The following DNER variants were observed in gnomAD, a reference collection of about 807,000 sequenced individuals.
DNER encodes the protein delta and Notch-like epidermal growth factor-related receptor.
A neutral mutation model predicts 78.2 loss-of-function variants in DNER; 33 were observed. The ratio of observed to expected loss-of-function variants is 0.42; its 90% confidence interval spans 0.32 to 0.56. The LOEUF is 0.56. Among genes scored for constraint, DNER ranks in the 20% least tolerant of loss-of-function variants. The probability of loss-of-function intolerance (pLI) is 0.11; values close to 1 mark genes in which losing one functional copy is unlikely to be tolerated. For synonymous variants in DNER, 417 were observed against 384.8 expected (o/e 1.08, Z -0.98); for missense variants, 918 against 975.3 (o/e 0.94, Z 0.78).
intron 12 of DNER, among the ~76,000 whole-genome samples, chr2:229,360,448 T>C (rs1418966357): frequency 1.3e-5 from 2 of 152,242 alleles, no homozygotes; most frequent in Non-Finnish European, 2.9e-5. Context: ...TCTCGCACTG[T>C]TGCCCAGGCT....
intron 6 of DNER, among the ~76,000 whole-genome samples, chr2:229,500,987 A>T (rs1695609588): frequency 6.6e-6 from 1 of 152,208 alleles, no homozygotes; most frequent in South Asian, 2.1e-4. Flanking sequence ...CATCTACAAC[A>T]ACATGAATCA....
At chr2:229,614,038 G>C (rs981585348) in intron 1 of DNER, among the ~76,000 whole-genome samples, 2 of 140,896 alleles carry the variant, frequency 1.4e-5, no homozygotes, top group Non-Finnish European at 3.1e-5. Context: ...GGGTGGGGGG[G>C]AGCGGGGAGG....
chr2:229,359,098 G>A (rs1050987416), intron 12 of DNER, among the ~76,000 whole-genome samples: 9 of 152,150 alleles, frequency 5.9e-5, no homozygotes, highest in African/African-American at 1.9e-4. Flanking sequence ...GGATTTTCAG[G>A]GGATAAGCTG....
intron 1 of DNER, among the ~76,000 whole-genome samples, chr2:229,694,082 A>G (rs919460699): frequency 1.3e-5 from 2 of 152,186 alleles, no homozygotes; most frequent in Admixed American, 6.5e-5. Context: ...CCATGGCTAA[A>G]AGGGGCAAAT....
At chr2:229,465,958 T>C (rs575670419) in intron 7 of DNER, among the ~76,000 whole-genome samples, 55 of 152,220 alleles carry the variant, frequency 3.6e-4, no homozygotes, top group Admixed American at 3.9e-4. Flanking sequence ...TGTCCTCTTA[T>C]AGCCAAATCT....
intron 5 of DNER, among the ~76,000 whole-genome samples, chr2:229,525,734 T>G (rs568552179): frequency 6.3e-4 from 96 of 152,182 alleles, no homozygotes; most frequent in Non-Finnish European, 1.1e-3. Context: ...TGCCTCAGCC[T>G]CCTGAATAAC....
At chr2:229,545,225 A>G (rs1407940282) in intron 5 of DNER, among the ~76,000 whole-genome samples, 1 of 152,182 alleles carries the variant, frequency 6.6e-6, no homozygotes, top group African/African-American at 2.4e-5. Context: ...TAAGGTATGA[A>G]GTCTTCCTTG....
intron 7 of DNER, among the ~76,000 whole-genome samples, chr2:229,449,821 T>C (rs1242675380): frequency 6.6e-6 from 1 of 152,242 alleles, no homozygotes; most frequent in African/African-American, 2.4e-5. Flanking sequence ...TCTCACTCTG[T>C]TGCCCAGGCT....
rs188808081 is a variant in DNER, at chr2:229,362,972, A to G, written c.2102+3901T>C. ...GGCCAAAATTGGAAGGTTTTGAGCT[A>G]TTGGGGAAAAAAACTGAACATGTCC... On this transcript the variant is annotated intron_variant, in intron 12 of 12. Coordinates refer to ENST00000341772, the MANE Select transcript of DNER (RefSeq NM_139072.4). Among the ~76,000 whole-genome samples, 5 of 152,332 alleles carry G rather than the reference A, an allele frequency of 3.3e-5. No homozygotes were observed. In the East Asian group the frequency reaches 9.6e-4, roughly 29 times the overall value.
chr2:229,624,778 G>A (rs1361257342), intron 1 of DNER, among the ~76,000 whole-genome samples: 1 of 152,144 alleles, frequency 6.6e-6, no homozygotes, highest in Non-Finnish European at 1.5e-5. Flanking sequence ...AGGCAGTCTT[G>A]ACAGAGCCAG....
intron 4 of DNER, among the ~76,000 whole-genome samples, chr2:229,568,205 T>C (rs1319543507): frequency 6.6e-6 from 1 of 152,196 alleles, no homozygotes; most frequent in Admixed American, 6.5e-5. Flanking sequence ...GCTTTCATTT[T>C]ATTTATTTTT....
At chr2:229,401,271 T>A (rs1693260873) in intron 10 of DNER, among the ~76,000 whole-genome samples, 1 of 152,066 alleles carries the variant, frequency 6.6e-6, no homozygotes, top group Admixed American at 6.6e-5. Flanking sequence ...TTTTGGCTCT[T>A]TTTATAAAAC....
intron 1 of DNER, among the ~76,000 whole-genome samples, chr2:229,712,594 G>A (rs778749783): frequency 2.0e-5 from 3 of 152,220 alleles, no homozygotes; most frequent in Non-Finnish European, 4.4e-5. Flanking sequence ...TTCAGGAAAA[G>A]TCATATAAAT....
intron 1 of DNER, among the ~76,000 whole-genome samples, chr2:229,639,944 C>T (rs995125795): frequency 2.0e-5 from 3 of 152,192 alleles, no homozygotes; most frequent in African/African-American, 7.2e-5. Flanking sequence ...GGACAACCCT[C>T]CATTTGAACT....
chr2:229,602,590 G>A (rs1697851830), intron 1 of DNER, among the ~76,000 whole-genome samples: 1 of 152,054 alleles, frequency 6.6e-6, no homozygotes, highest in Non-Finnish European at 1.5e-5. Context: ...TTAAAATATG[G>A]AACTTCAGCA....
At chr2:229,394,285 C>T (rs1693083524) in intron 10 of DNER, among the ~76,000 whole-genome samples, 1 of 151,986 alleles carries the variant, frequency 6.6e-6, no homozygotes, top group Admixed American at 6.5e-5. Context: ...AACCACCTCT[C>T]CCTCTGTGGA....
At chr2:229,607,657 T>C (rs752128459) in intron 1 of DNER, among the ~76,000 whole-genome samples, 2 of 152,148 alleles carry the variant, frequency 1.3e-5, no homozygotes, top group Admixed American at 6.5e-5. Context: ...CATTGAACAA[T>C]GTTTCAGATG....
At chr2:229,493,067 C>T (rs930744893) in intron 6 of DNER, among the ~76,000 whole-genome samples, 16 of 152,122 alleles carry the variant, frequency 1.1e-4, no homozygotes, top group Admixed American at 1.0e-3. Flanking sequence ...AAATTCTAAT[C>T]GGGATTTGTC....
intron 1 of DNER, among the ~76,000 whole-genome samples, chr2:229,598,691 A>G (rs1697768735): frequency 6.6e-6 from 1 of 152,194 alleles, no homozygotes; most frequent in Admixed American, 6.5e-5. Context: ...CAAAACAAAG[A>G]CAGCAATTCT....
Sources: allele counts gnomAD v4.1 joint callset (sites outside exome capture counted in the v4.1 genomes callset), GRCh38; gene constraint gnomAD v4.1.1; transcripts MANE v1.5; gene names NCBI Gene and HGNC (gene_info 2026-07-23, HGNC 2026-07-21).